MACROD2: variants seen among roughly 807,000 people sequenced by gnomAD.
MACROD2 encodes the protein ADP-ribose glycohydrolase MACROD2.
A neutral mutation model predicts 70.4 loss-of-function variants in MACROD2; 36 were observed. That is an observed-to-expected ratio of 0.51 (90% confidence interval 0.39 to 0.68). The LOEUF is 0.68. Among genes scored for constraint, MACROD2 ranks in the 30% least tolerant of loss-of-function variants. The probability of loss-of-function intolerance (pLI) is 0.00; values close to 1 mark genes in which losing one functional copy is unlikely to be tolerated. For synonymous variants in MACROD2, 172 were observed against 178.8 expected, an observed-to-expected ratio of 0.96 and a Z score of 0.30; for missense variants, 496 against 538.4, an observed-to-expected ratio of 0.92 and a Z score of 0.78.
intron 5 of MACROD2, among the ~76,000 whole-genome samples, chr20:15,192,048 AT>A (rs2076575861): frequency 1.3e-5 from 2 of 151,208 alleles, no homozygotes; most frequent in Middle Eastern, 3.4e-3. Flanking sequence ...CTATCTATCT[AT>A]CTATCTATCT....
At chr20:15,030,957 G>A (rs1192022755) in intron 5 of MACROD2, among the ~76,000 whole-genome samples, 3 of 152,102 alleles carry the variant, frequency 2.0e-5, no homozygotes, top group Non-Finnish European at 4.4e-5. Context: ...CTGCCTACTC[G>A]GCCCATCAGG....
intron 5 of MACROD2, among the ~76,000 whole-genome samples, chr20:15,006,604 C>T (rs969396766): frequency 6.6e-6 from 1 of 151,914 alleles, no homozygotes; most frequent in African/African-American, 2.4e-5. Flanking sequence ...GTATACCTTG[C>T]ATATATATAT....
chr20:14,719,250 A>T (rs2071434668), intron 5 of MACROD2, among the ~76,000 whole-genome samples: 1 of 152,092 alleles, frequency 6.6e-6, no homozygotes, highest in Non-Finnish European at 1.5e-5. Context: ...AAATACAAAT[A>T]GTCATTTTAT....
chr20:14,817,376 C>G (rs1266224671), intron 5 of MACROD2, among the ~76,000 whole-genome samples: 1 of 152,162 alleles, frequency 6.6e-6, no homozygotes, highest in Non-Finnish European at 1.5e-5. Flanking sequence ...GCCCCTGTGG[C>G]TCATACATGC....
chr20:16,035,052 A>AATATAAAATATTAT (rs1240904786), intron 15 of MACROD2, among the ~76,000 whole-genome samples: 1 of 138,964 alleles, frequency 7.2e-6, no homozygotes, highest in Non-Finnish European at 1.5e-5. Flanking sequence ...TATAATATAG[A>AATATAAAATATTAT]ATATAAAATA....
intron 5 of MACROD2, among the ~76,000 whole-genome samples, chr20:14,831,648 C>G (rs890088556): frequency 6.6e-6 from 1 of 151,254 alleles, no homozygotes; most frequent in East Asian, 2.0e-4. Context: ...GGTGTGGTGG[C>G]GGGCGCTTGT....
At chr20:15,780,410 A>G (rs1319887304) in intron 8 of MACROD2, among the ~76,000 whole-genome samples, 4 of 152,080 alleles carry the variant, frequency 2.6e-5, no homozygotes, top group Non-Finnish European at 4.4e-5. Flanking sequence ...ACAAAGGAAG[A>G]AGACTAGGCT....
At chr20:15,856,899 C>G (rs939669392) in intron 8 of MACROD2, among the ~76,000 whole-genome samples, 9 of 151,998 alleles carry the variant, frequency 5.9e-5, no homozygotes, top group African/African-American at 1.9e-4. Flanking sequence ...GAAGATGGGC[C>G]GGGACCAACA....
chr20:14,788,233 C>T (rs1382409841), intron 5 of MACROD2, among the ~76,000 whole-genome samples: 3 of 151,994 alleles, frequency 2.0e-5, no homozygotes, highest in Non-Finnish European at 4.4e-5. Context: ...GGGCGACTTG[C>T]TGCAGCCTCT....
intron 6 of MACROD2, among the ~76,000 whole-genome samples, chr20:15,262,738 A>G (rs1425983328): frequency 2.6e-5 from 4 of 152,076 alleles, no homozygotes; most frequent in South Asian, 2.1e-4. Flanking sequence ...GATAAAAGCA[A>G]TTTTAACTGG....
intron 5 of MACROD2, among the ~76,000 whole-genome samples, chr20:15,209,698 G>C (rs2093687556): frequency 6.6e-6 from 1 of 152,112 alleles, no homozygotes; most frequent in African/African-American, 2.4e-5. Context: ...GCTGTTCCTG[G>C]CCTGTTCATG....
intron 5 of MACROD2, among the ~76,000 whole-genome samples, chr20:14,709,462 G>A (rs954648535): frequency 6.6e-6 from 1 of 152,082 alleles, no homozygotes; most frequent in Non-Finnish European, 1.5e-5. Flanking sequence ...AACAGTAGAA[G>A]CTGCCTCAAA....
intron 8 of MACROD2, among the ~76,000 whole-genome samples, chr20:15,569,592 C>T (rs1438512683): frequency 2.0e-5 from 3 of 152,174 alleles, no homozygotes; most frequent in East Asian, 3.9e-4. Context: ...CGCTCTGCTG[C>T]GATGAGATCA....
chr20:14,503,637 C>T (rs1171322874), intron 4 of MACROD2, among the ~76,000 whole-genome samples: 1 of 152,216 alleles, frequency 6.6e-6, no homozygotes, highest in African/African-American at 2.4e-5. Context: ...AATACTCTCT[C>T]AGCTTCTGCC....
chr20:15,981,027 A>G (rs2066390142), intron 13 of MACROD2, among the ~76,000 whole-genome samples: 1 of 152,178 alleles, frequency 6.6e-6, no homozygotes, highest in Admixed American at 6.5e-5. Flanking sequence ...TTAATTACTT[A>G]TGGCTATGCT....
chr20:15,749,016 G>A (rs141237856), intron 8 of MACROD2, among the ~76,000 whole-genome samples: 1 of 152,128 alleles, frequency 6.6e-6, no homozygotes, highest in Non-Finnish European at 1.5e-5. Context: ...GCATAGCTTT[G>A]TATACAAATT....
At chr20:14,496,568 C>T (rs1255002479) in intron 4 of MACROD2, among the ~76,000 whole-genome samples, 1 of 152,138 alleles carries the variant, frequency 6.6e-6, no homozygotes, top group African/African-American at 2.4e-5. Context: ...GAATTTTCAT[C>T]TTTGAGCTAG....
chr20:14,357,529 T>C (rs1047787407), intron 3 of MACROD2, among the ~76,000 whole-genome samples: 1 of 152,224 alleles, frequency 6.6e-6, no homozygotes, highest in Non-Finnish European at 1.5e-5. Flanking sequence ...GTCATATTTC[T>C]AGTAGCACTG....
chr20:14,923,148 C>T (rs572146254), intron 5 of MACROD2, among the ~76,000 whole-genome samples: 1 of 152,164 alleles, frequency 6.6e-6, no homozygotes, highest in Non-Finnish European at 1.5e-5. Context: ...TTCCTCCAAC[C>T]TCGCTGGCTG....
Sources: gnomAD v4.1 joint callset for allele counts (sites outside exome capture counted in the v4.1 genomes callset) on GRCh38, gnomAD v4.1.1 for gene constraint, MANE v1.5 for transcripts, NCBI Gene and HGNC (gene_info 2026-07-23, HGNC 2026-07-21) for gene names.